The following ZNF763 variants were observed in gnomAD, a reference collection of about 807,000 sequenced individuals.
ZNF763 encodes the protein zinc finger protein 763, also known as DNA-binding protein.
In ZNF763, 33 loss-of-function variants were observed where a neutral mutation model predicts 38.0. The observed-to-expected ratio is 0.87, with a 90% CI of 0.66 to 1.16. ZNF763 has a LOEUF of 1.16. ZNF763 is among the 50% of genes most tolerant of loss of function. The probability of loss-of-function intolerance (pLI) is 0.00; values close to 1 mark genes in which losing one functional copy is unlikely to be tolerated. For missense variants in ZNF763, 423 were observed against 469.1 expected (o/e 0.90, Z 0.91); for synonymous variants, 155 against 160.1 (o/e 0.97, Z 0.24).
In ZNF763 at chr19:11,979,444, T is replaced by C; in HGVS notation, c.*335T>C. The C allele has an allele frequency of 3.7e-6, 6 of 1,607,016 alleles. No homozygotes were observed. The highest frequency in any genetic ancestry group is 1.3e-5 in the African/African-American group (1 of 74,438). On this transcript the variant is annotated 3_prime_UTR_variant, in exon 4 of 4. Coordinates refer to ENST00000358987, the MANE Select transcript of ZNF763 (RefSeq NM_001367172.2). ...CACAAACACACATAAGAATACACTC[T>C]GGAGAAAGACCTTATAAATGTAAGA... is the stretch of plus-strand genomic sequence containing the variant.
chr19:11,976,408 C>T (rs1002573410), intron 1 of ZNF763, among the ~76,000 whole-genome samples: 1 of 151,652 alleles, frequency 6.6e-6, no homozygotes, highest in Non-Finnish European at 1.5e-5. Context: ...CTTTATGAAC[C>T]AGCCGAGCAT....
intron 1 of ZNF763, among the ~76,000 whole-genome samples, chr19:11,967,858 C>A (rs188467408): frequency 1.3e-5 from 2 of 152,324 alleles, no homozygotes; most frequent in Admixed American, 1.3e-4. Context: ...GCTGTGCCTA[C>A]GTGCATGTGG....
At position 11,980,219 on chromosome 19, in the gene ZNF763, A is replaced by C; in HGVS notation, c.*1110A>C. 1 of 414,814 alleles carries C rather than the reference A, an allele frequency of 2.4e-6. No homozygotes were observed. The highest frequency in any genetic ancestry group is 4.3e-6 in the Non-Finnish European group (1 of 231,120). 25.7% of individuals were successfully genotyped at this position (414,814 alleles called of 1,614,324 possible). A position where few individuals can be genotyped will look rare whatever the true frequency, so the allele number is the denominator to read the frequency against. On this transcript the variant is annotated 3_prime_UTR_variant, in exon 4 of 4. Transcript: ENST00000358987. The stretch of plus-strand genomic sequence containing the variant: ...ATATGATGAAACCCCTGTCTCTACT[A>C]AAACTACAAAAATTGGCCAGGCGTG...
In ZNF763 at chr19:11,978,493, G is replaced by A. The variant is rs370964246; in HGVS notation, c.569G>A (p.Arg190His). ...TFISHSGIRR[R>H]MVMHSGDGPY... ...ATTTCCCATTCAGGCATTCGAAGAC[G>A]CATGGTAATGCACAGTGGGGATGGA... The change falls in exon 4 of 4, where the codon CGC (arginine) becomes CAC (histidine). Residue 190 changes from arginine to histidine, a missense_variant. Arg to His is a conservative substitution (Grantham distance 29, BLOSUM62 0). Transcript: ENST00000358987. 100 of 1,614,070 alleles carry A rather than the reference G, an allele frequency of 6.2e-5. No homozygotes were observed. Among genetic ancestry groups the A allele is most frequent in the Non-Finnish European group, 7.1e-5 (84 of 1,180,044 alleles).
intron 1 of ZNF763, among the ~76,000 whole-genome samples, chr19:11,974,896 C>T: frequency 6.6e-6 from 1 of 152,208 alleles, no homozygotes; most frequent in Non-Finnish European, 1.5e-5. Flanking sequence ...AGCCACCACA[C>T]CTGGCTGCTA....
In ZNF763 at chr19:11,978,160, A is replaced by T. The variant is rs1568311089; in HGVS notation, c.236A>T (p.His79Leu). Residue 79 changes from histidine to leucine, a missense_variant, in exon 4 of 4, where the codon CAT (histidine) becomes CTT (leucine). Physicochemically the swap from His to Leu is moderately conservative, Grantham distance 99. Transcript: ENST00000358987. ...GTCAATGAAATTAAAGAAGACAGTC[A>T]TTGTGGAGAAACTTTTACCCAGGTT... ...GNVNEIKEDS[H>L]CGETFTQVPD... The T allele has an allele frequency of 4.3e-6, 7 of 1,613,926 alleles. No individual in the cohort carries two copies. The highest frequency in any genetic ancestry group is 5.9e-6 in the Non-Finnish European group (7 of 1,179,966).
Position 11,978,844 on chromosome 19 carries a change from C to T in ZNF763, c.920C>T (p.Thr307Ile), listed in dbSNP as rs200337521. 4.3e-6 allele frequency: 7 copies of T among 1,614,084 alleles called. No homozygotes were observed. The Admixed American group carries it at 8.3e-5, about 19-fold the overall frequency. The stretch of plus-strand genomic sequence containing the variant: ...TTTCAAATACATGAAAGAACTCACA[C>T]TGGGGAGAAGCCCTGTGAATGTAGC... ...HSFQIHERTH[T>I]GEKPCECSKC... Residue 307 changes from threonine to isoleucine, a missense_variant, in exon 4 of 4, where the codon ACT (threonine) becomes ATT (isoleucine). Coordinates refer to ENST00000358987, the MANE Select transcript of ZNF763 (RefSeq NM_001367172.2).
In ZNF763 at chr19:11,965,051, T is replaced by A; in HGVS notation, c.-158T>A. On this transcript the variant is annotated 5_prime_UTR_variant, in exon 1 of 4. Coordinates refer to ENST00000358987, the MANE Select transcript of ZNF763 (RefSeq NM_001367172.2). ...AGTGGGTCGCATTCCTGTCCTCACCTTTGTCCTTGCGCAGCCGGTGGTTGA... is the reference window on the plus strand; with the variant it reads ...AGTGGGTCGCATTCCTGTCCTCACCATTGTCCTTGCGCAGCCGGTGGTTGA... 1.1e-5 allele frequency: 9 copies of A among 848,800 alleles called. No individual in the cohort carries two copies. The highest frequency in any genetic ancestry group is 3.1e-5 in the East Asian group (1 of 32,292). 52.6% of individuals were successfully genotyped at this position (848,800 alleles called of 1,614,324 possible).
chr19:11,980,112 GA>G lies in ZNF763; in HGVS notation c.*1007del. 1 of 910,702 alleles carries G rather than the reference GA, an allele frequency of 1.1e-6. No individual in the cohort carries two copies. 56.4% of individuals were successfully genotyped at this position (910,702 alleles called of 1,614,324 possible). A position where few individuals can be genotyped will look rare whatever the true frequency, so the allele number is the denominator to read the frequency against. On this transcript the variant is annotated 3_prime_UTR_variant, in exon 4 of 4. Transcript: ENST00000358987. ...ACCTTCAGATCTACCTCACACCTTCGAAAACATGGTAGGACTCACACTGGAT... is the reference window on the plus strand; with the variant it reads ...ACCTTCAGATCTACCTCACACCTTCGAAACATGGTAGGACTCACACTGGAT...
chr19:11,976,951 G>C (rs1242141840), intron 1 of ZNF763, 87 bp from the exon 2 acceptor site: 1 of 1,579,264 alleles, frequency 6.3e-7, no homozygotes, highest in Non-Finnish European at 8.6e-7. Flanking sequence ...AATGTTTGGA[G>C]TCCACGGCAA....
chr19:11,974,612 C>CG (rs1394623387), intron 1 of ZNF763, among the ~76,000 whole-genome samples: 5 of 58,664 alleles, frequency 8.5e-5, no homozygotes, highest in South Asian at 4.4e-4. Flanking sequence ...TTTTTTTGGG[C>CG]GGGGGGGTGG....
At chr19:11,967,707 T>G (rs1013959551) in intron 1 of ZNF763, among the ~76,000 whole-genome samples, 1 of 152,042 alleles carries the variant, frequency 6.6e-6, no homozygotes, top group African/African-American at 2.4e-5. Context: ...CCGGCCCCTG[T>G]CTCTATTTTT....
chr19:11,977,445 A>G lies in ZNF763; in HGVS notation c.191+14A>G. ...GAGAAACTTCAGGTAATTGGCACTTAAAGAGAAAGCAGTGTCTCTAGATGA... is the reference window on the plus strand; with the variant it reads ...GAGAAACTTCAGGTAATTGGCACTTGAAGAGAAAGCAGTGTCTCTAGATGA... On this transcript the variant is annotated intron_variant, in intron 3 of 3. Transcript: ENST00000358987. 6.2e-7 allele frequency: 1 copy of G among 1,613,656 alleles called. No homozygotes were observed. The highest frequency in any genetic ancestry group is 8.5e-7 in the Non-Finnish European group (1 of 1,179,644).
chr19:11,979,116 GAT>G lies in ZNF763; in HGVS notation c.*10_*11del, dbSNP rs1251673304. 6 of 1,613,320 alleles carry G rather than the reference GAT, an allele frequency of 3.7e-6. No individual in the cohort carries two copies. Among genetic ancestry groups the G allele is most frequent in the Non-Finnish European group, 5.1e-6 (6 of 1,179,834 alleles). On this transcript the variant is annotated 3_prime_UTR_variant, in exon 4 of 4. Transcript: ENST00000358987. ...CTGGAGAAAGACCTTATAAATGTTA[GAT>G]ATGTGGGAAAGGCCTTTATTCTGCC...
At chr19:11,967,896 CTG>C (rs1234479615) in intron 1 of ZNF763, among the ~76,000 whole-genome samples, 1 of 152,162 alleles carries the variant, frequency 6.6e-6, no homozygotes, top group Non-Finnish European at 1.5e-5. Flanking sequence ...ATTTATTACT[CTG>C]TTGATTTAAA....
chr19:11,974,393 T>C (rs914070819), intron 1 of ZNF763, among the ~76,000 whole-genome samples: 25 of 151,458 alleles, frequency 1.7e-4, no homozygotes, highest in African/African-American at 5.8e-4. Context: ...GATGACATTT[T>C]ACCATGTTGG....
At chr19:11,965,913 C>G (rs7255682) in intron 1 of ZNF763, among the ~76,000 whole-genome samples, 1 of 151,890 alleles carries the variant, frequency 6.6e-6, no homozygotes, top group African/African-American at 2.4e-5. Context: ...AGGGCGGGAC[C>G]TGTGGAAGGG....
Position 11,965,075 on chromosome 19 carries a change from G to A in ZNF763, c.-134G>A. The stretch of plus-strand genomic sequence containing the variant: ...CTTTGTCCTTGCGCAGCCGGTGGTT[G>A]ATATCCGCTGTATCCATCCCCGAGA... On this transcript the variant is annotated 5_prime_UTR_variant, in exon 1 of 4. Transcript: ENST00000358987. 8.5e-7 allele frequency: 1 copy of A among 1,170,296 alleles called. No homozygotes were observed. Among genetic ancestry groups the A allele is most frequent in the Admixed American group, 1.9e-5 (1 of 52,576 alleles). 72.5% of individuals were successfully genotyped at this position (1,170,296 alleles called of 1,614,324 possible).
Position 11,977,043 on chromosome 19 carries a change from T to A in ZNF763, c.9T>A (p.Pro3=), listed in dbSNP as rs200736455. ...ACACATGTGAGATGTTTCAGGACCC[T>A]GTGGCCTGTGAGGATGTTGCTGTGA... MD[P]VACEDVAVNF... The change falls in exon 2 of 4, where the codon CCT becomes CCA. Residue 3 remains proline, a synonymous_variant. Coordinates refer to ENST00000358987, the MANE Select transcript of ZNF763 (RefSeq NM_001367172.2). 8.7e-6 allele frequency: 14 copies of A among 1,614,200 alleles called. No homozygotes were observed. The African/African-American group carries it at 1.2e-4, about 14-fold the overall frequency.
Sources: gnomAD v4.1 joint callset for allele counts (sites outside exome capture counted in the v4.1 genomes callset) on GRCh38, gnomAD v4.1.1 for gene constraint, MANE v1.5 for transcripts, NCBI Gene and HGNC (gene_info 2026-07-23, HGNC 2026-07-21) for gene names.